Variants in GRIK4 observed in about 807,000 individuals in gnomAD.
The protein encoded by GRIK4 is glutamate ionotropic receptor kainate type subunit 4, also known as glutamate receptor ionotropic, kainate 4.
GRIK4 carries 40 observed loss-of-function variants against 104.9 expected under a neutral mutation model. The observed-to-expected ratio is 0.38, with a 90% CI of 0.30 to 0.50. GRIK4 has a LOEUF of 0.50. GRIK4 is among the 20% of genes least tolerant of loss of function. GRIK4 has a pLI of 0.93. For synonymous variants in GRIK4, 485 were observed against 524.9 expected, an observed-to-expected ratio of 0.92 and a Z score of 1.04; for missense variants, 1,047 against 1,308.1, an observed-to-expected ratio of 0.80 and a Z score of 3.08.
At chr11:120,563,101 G>C (rs1948260720) in intron 1 of GRIK4, among the ~76,000 whole-genome samples, 1 of 152,240 alleles carries the variant, frequency 6.6e-6, no homozygotes, top group Non-Finnish European at 1.5e-5. Flanking sequence ...GTCTCCCTGG[G>C]TAAAACCCGG....
chr11:120,530,282 G>C (rs577726442), intron 1 of GRIK4, among the ~76,000 whole-genome samples: 3 of 152,192 alleles, frequency 2.0e-5, no homozygotes, highest in Admixed American at 6.5e-5. Flanking sequence ...CAAATGAATC[G>C]GTCGATGGCC....
chr11:120,969,282 T>A (rs1591345405), intron 19 of GRIK4, among the ~76,000 whole-genome samples: 1 of 152,080 alleles, frequency 6.6e-6, no homozygotes, highest in East Asian at 1.9e-4. Flanking sequence ...ATGGGGGGGA[T>A]GCAGAAAAAA....
chr11:120,955,567 C>G (rs1438932836), intron 15 of GRIK4, among the ~76,000 whole-genome samples: 4 of 152,178 alleles, frequency 2.6e-5, no homozygotes, highest in Non-Finnish European at 4.4e-5. Context: ...CCCTGGCGGG[C>G]AGGGGAAGAG....
chr11:120,879,838 T>C (rs1954915673), intron 11 of GRIK4, among the ~76,000 whole-genome samples: 1 of 152,156 alleles, frequency 6.6e-6, no homozygotes, highest in Non-Finnish European at 1.5e-5. Flanking sequence ...GCCTGGACAG[T>C]ATTAGGAAAG....
intron 11 of GRIK4, among the ~76,000 whole-genome samples, chr11:120,895,273 G>A (rs1942547233): frequency 6.6e-6 from 1 of 152,124 alleles, no homozygotes; most frequent in Non-Finnish European, 1.5e-5. Context: ...TACTGGCTCT[G>A]TTGGTATGAG....
intron 3 of GRIK4, among the ~76,000 whole-genome samples, chr11:120,774,646 T>C (rs568675419): frequency 9.2e-4 from 140 of 152,326 alleles, no homozygotes; most frequent in African/African-American, 3.2e-3. Flanking sequence ...TACCTTCATC[T>C]AGACTGGTGT....
chr11:120,836,016 C>T (rs1442830681), intron 7 of GRIK4, among the ~76,000 whole-genome samples: 2 of 152,128 alleles, frequency 1.3e-5, no homozygotes, highest in Non-Finnish European at 2.9e-5. Flanking sequence ...CACTTGTTTC[C>T]GACGTCACTG....
Position 120,557,868 on chromosome 11 carries a change from AT to A in GRIK4, c.-159+45983del, listed in dbSNP as rs552151874. 3.8e-3 allele frequency among the ~76,000 whole-genome samples: 580 copies of A among 151,930 alleles called. 4 individuals are homozygous for A. The highest frequency in any genetic ancestry group is 0.013 in the African/African-American group (538 of 41,442). ...CGTCTCTACTAAAAATACAAAAAAA[AT>A]TAGCTGGGCGCGGTGGCGGGCGCCT... On this transcript the variant is annotated intron_variant, in intron 1 of 20. Coordinates refer to ENST00000527524, the MANE Select transcript of GRIK4 (RefSeq NM_014619.5).
chr11:120,593,902 C>T (rs1299210940), intron 1 of GRIK4, among the ~76,000 whole-genome samples: 1 of 152,178 alleles, frequency 6.6e-6, no homozygotes, highest in African/African-American at 2.4e-5. Flanking sequence ...CTCTCCACAT[C>T]CCATACCCCA....
intron 1 of GRIK4, among the ~76,000 whole-genome samples, chr11:120,634,615 C>A (rs1174112444): frequency 6.7e-6 from 1 of 148,254 alleles, no homozygotes; most frequent in African/African-American, 2.4e-5. Flanking sequence ...TAGGGACCCA[C>A]TCGGAATTGA....
At chr11:120,590,139 C>T (rs1257532285) in intron 1 of GRIK4, among the ~76,000 whole-genome samples, 7 of 152,260 alleles carry the variant, frequency 4.6e-5, no homozygotes, top group African/African-American at 1.7e-4. Context: ...TCTTCTTTCT[C>T]TTTAGTGTTT....
intron 8 of GRIK4, among the ~76,000 whole-genome samples, chr11:120,840,564 C>G (rs1308419669): frequency 1.3e-5 from 2 of 151,978 alleles, no homozygotes; most frequent in Non-Finnish European, 2.9e-5. Flanking sequence ...GGCCAGAGGT[C>G]GGGCACGCAG....
At chr11:120,751,803 C>T (rs934065159) in intron 3 of GRIK4, among the ~76,000 whole-genome samples, 3 of 152,172 alleles carry the variant, frequency 2.0e-5, no homozygotes, top group Non-Finnish European at 2.9e-5. Context: ...CTCCTGTGCT[C>T]CCCTCAGCAG....
At chr11:120,890,388 G>A (rs964570225) in intron 11 of GRIK4, among the ~76,000 whole-genome samples, 2 of 152,122 alleles carry the variant, frequency 1.3e-5, no homozygotes, top group Admixed American at 6.5e-5. Flanking sequence ...ACCACTCTGG[G>A]CCCTGGCCAG....
At chr11:120,654,073 C>G (rs1949662061) in intron 2 of GRIK4, among the ~76,000 whole-genome samples, 2 of 152,230 alleles carry the variant, frequency 1.3e-5, no homozygotes, top group Non-Finnish European at 2.9e-5. Context: ...TAGGTGGGGA[C>G]TGTCAGAGAC....
rs758767113 is a variant in GRIK4 at position 120,982,121 on chromosome 11, A to C, written c.2411A>C (p.Asn804Thr). The C allele has an allele frequency of 1.2e-6, 2 of 1,607,210 alleles. No individual in the cohort carries two copies. The highest frequency in any genetic ancestry group is 2.2e-5 in the South Asian group (2 of 90,970). ...TTTCTTACAGGCCTGGGAATGGAGAATATTGGTGGAATCTTTGTGGTTCTT... is the reference window on the plus strand; with the variant it reads ...TTTCTTACAGGCCTGGGAATGGAGACTATTGGTGGAATCTTTGTGGTTCTT... ...DHRAKGLGME[N>T]IGGIFVVLIC... Residue 804 changes from asparagine (N) to threonine (T), a missense_variant, in exon 20 of 21, where the codon AAT becomes ACT. By Grantham distance (65) the Asn-to-Thr change is moderately conservative (BLOSUM62 0). Transcript: ENST00000527524.
intron 4 of GRIK4, among the ~76,000 whole-genome samples, chr11:120,803,671 C>T (rs369887364): frequency 1.4e-4 from 22 of 152,150 alleles, no homozygotes; most frequent in African/African-American, 5.3e-4. Flanking sequence ...CTCCTGACCC[C>T]AAGTGATCTG....
rs116334846 is a variant in GRIK4, at chr11:120,714,197, C to T, written c.82+53797C>T. On this transcript the variant is annotated intron_variant, in intron 3 of 20. Transcript: ENST00000527524. ...CTATGCTCTCCCAGCCTTTCAATAG[C>T]GGTGACTTTAATAATGTCGGGAATT... 1.8e-3 allele frequency among the ~76,000 whole-genome samples: 270 copies of T among 152,294 alleles called. 1 individual carries two copies. The highest frequency in any genetic ancestry group is 0.017 in the Middle Eastern group (5 of 294).
chr11:120,863,053 C>T (rs968333597), intron 9 of GRIK4, among the ~76,000 whole-genome samples: 8 of 152,130 alleles, frequency 5.3e-5, no homozygotes, highest in African/African-American at 1.2e-4. Context: ...GAACCCAGGC[C>T]GTATGGCTTT....
Sources: allele counts gnomAD v4.1 joint callset (sites outside exome capture counted in the v4.1 genomes callset), GRCh38; gene constraint gnomAD v4.1.1; transcripts MANE v1.5; gene names NCBI Gene and HGNC (gene_info 2026-07-23, HGNC 2026-07-21).